Variants in TECTB observed in about 807,000 individuals in gnomAD.
TECTB encodes the protein tectorin beta, also known as beta-tectorin.
In TECTB, 45 loss-of-function variants were observed where a neutral mutation model predicts 43.3. That is an observed-to-expected ratio of 1.04 (90% CI 0.82 to 1.33). The LOEUF is 1.33. Ranked by LOEUF, TECTB falls within the 40% of genes most tolerant of loss-of-function variation. The pLI is 0.00. For synonymous variants in TECTB, 169 were observed against 156.7 expected (o/e 1.08, Z -0.59); for missense variants, 399 against 404.7 (o/e 0.99, Z 0.12).
chr10:112,292,757 T>C (rs1171382543), intron 5 of TECTB, among the ~76,000 whole-genome samples: 1 of 152,146 alleles, frequency 6.6e-6, no homozygotes, highest in African/African-American at 2.4e-5. Context: ...CCCAGTCTTC[T>C]TGATCAGCCC....
chr10:112,297,375 G>T (rs546200723), intron 7 of TECTB, among the ~76,000 whole-genome samples: 1 of 152,042 alleles, frequency 6.6e-6, no homozygotes, highest in Admixed American at 6.5e-5. Flanking sequence ...CCTTTGAGAC[G>T]TTGGAATATC....
At chr10:112,300,254 GAAAGAAAGAAAGAAAGAAAGAAAGA>G (rs1343879085) in intron 9 of TECTB, among the ~76,000 whole-genome samples, 12,136 of 47,122 alleles carry the variant, frequency 0.26, 854 homozygotes, top group Admixed American at 0.3. Context: ...AAGAAAGAAA[GAAAGAAAGAAAGAAAGAAAGAAAGA>G]AAAGAAAGAA....
In TECTB at chr10:112,303,647, C is replaced by G; in HGVS notation, c.*335C>G. 1 of 299,010 alleles carries G rather than the reference C, an allele frequency of 3.3e-6. No homozygotes were observed. The highest frequency in any genetic ancestry group is 6.3e-6 in the Non-Finnish European group (1 of 157,886). The allele number at this position is 299,010 out of a possible 1,614,324, so 18.5% of individuals were successfully genotyped here. A position where few individuals can be genotyped will look rare whatever the true frequency, so the allele number is the denominator to read the frequency against. On this transcript the variant is annotated 3_prime_UTR_variant, in exon 11 of 11. Coordinates refer to ENST00000646139, the MANE Select transcript of TECTB (RefSeq NM_058222.3). ...AAAGGTTAGCAGACCCAACCAAGTA[C>G]TGCTGAGCATTTTGAAGAGAATGTA...
Position 112,294,114 on chromosome 10 carries a change from G to A in TECTB, c.671+53G>A, listed in dbSNP as rs879076445. 3.4e-5 allele frequency: 52 copies of A among 1,544,936 alleles called. No homozygotes were observed. The South Asian group carries it at 5.4e-4, about 16-fold the overall frequency. On this transcript the variant is annotated intron_variant, in intron 7 of 10. Transcript: ENST00000646139. The stretch of plus-strand genomic sequence containing the variant: ...GAACAGTGGAACCAGGCATTTATCG[G>A]GCTACTTTGCTCTGGCTTGGGAAAG...
At chr10:112,293,512 A>G (rs1377284763) in intron 5 of TECTB, among the ~76,000 whole-genome samples, 3 of 152,200 alleles carry the variant, frequency 2.0e-5, no homozygotes, top group Non-Finnish European at 2.9e-5. Context: ...CACTATAATG[A>G]GCAAATCTAG....
intron 5 of TECTB, among the ~76,000 whole-genome samples, chr10:112,286,794 T>C (rs1247239096): frequency 1.3e-5 from 2 of 152,098 alleles, no homozygotes; most frequent in Non-Finnish European, 2.9e-5. Context: ...TGGTGGCACA[T>C]GCCTGTAGTC....
intron 8 of TECTB, among the ~76,000 whole-genome samples, chr10:112,299,098 T>C (rs992401282): frequency 2.0e-5 from 3 of 152,196 alleles, no homozygotes; most frequent in African/African-American, 4.8e-5. Context: ...ATCAATGCCA[T>C]ATTTTTAAAA....
chr10:112,285,501 T>G (rs1404337258), intron 3 of TECTB, among the ~76,000 whole-genome samples: 1 of 152,208 alleles, frequency 6.6e-6, no homozygotes, highest in Non-Finnish European at 1.5e-5. Context: ...CAAGACATCA[T>G]GTCTTTGAGT....
chr10:112,291,717 C>T (rs1373813666), intron 5 of TECTB, among the ~76,000 whole-genome samples: 1 of 152,198 alleles, frequency 6.6e-6, no homozygotes, highest in Non-Finnish European at 1.5e-5. Context: ...AGGTTATGTC[C>T]ATTTTGCATA....
In TECTB at chr10:112,286,200, G is replaced by T. The variant is rs1444785142; in HGVS notation, c.397G>T (p.Ala133Ser). Residue 133 changes from alanine to serine, a missense_variant, in exon 4 of 11, where the codon GCC becomes TCC. By Grantham distance (99) the Ala-to-Ser change is moderately conservative. Coordinates refer to ENST00000646139, the MANE Select transcript of TECTB (RefSeq NM_058222.3). ...YHSTYLVNQA[A>S]FDQRVATVHV... The stretch of plus-strand genomic sequence containing the variant: ...CTCCACCTACTTGGTGAACCAGGCT[G>T]CCTTTGACCAGAGGTAAGTTGCTGT... 6.2e-7 allele frequency: 1 copy of T among 1,614,172 alleles called. No individual in the cohort carries two copies. The highest frequency in any genetic ancestry group is 1.1e-5 in the South Asian group (1 of 91,082).
At chr10:112,297,409 T>C (rs937925842) in intron 7 of TECTB, among the ~76,000 whole-genome samples, 1 of 151,446 alleles carries the variant, frequency 6.6e-6, no homozygotes, top group Non-Finnish European at 1.5e-5. Flanking sequence ...ATTCTCATTA[T>C]AGAGAATTTG....
chr10:112,299,681 G>C, intron 9 of TECTB, 117 bp downstream of exon 9: 1 of 1,117,932 alleles, frequency 8.9e-7, no homozygotes, highest in South Asian at 1.4e-5. Context: ...GTGCCTGTGG[G>C]CACAACCTTC....
chr10:112,286,222 C>A lies in TECTB; in HGVS notation c.410+9C>A. ...GCTGCCTTTGACCAGAGGTAAGTTG[C>A]TGTGCGGCATGGAGGGCTGGCTGCC... On this transcript the variant is annotated intron_variant, in intron 4 of 10. Transcript: ENST00000646139. 2 of 1,614,148 alleles carry A rather than the reference C, an allele frequency of 1.2e-6. No individual in the cohort carries two copies. The highest frequency in any genetic ancestry group is 1.7e-6 in the Non-Finnish European group (2 of 1,179,992).
chr10:112,283,606 T>C, intron 1 of TECTB, 42 bp from the exon 2 acceptor site: 1 of 803,760 alleles, frequency 1.2e-6, no homozygotes, highest in Non-Finnish European at 2.0e-6. Flanking sequence ...GCGGCTTTGT[T>C]CTTCCCTTGA....
intron 8 of TECTB, 35 bp from the exon 9 acceptor site, chr10:112,299,457 C>T: frequency 6.2e-7 from 1 of 1,610,992 alleles, no homozygotes; most frequent in Non-Finnish European, 8.5e-7. Context: ...CCCACCTTCC[C>T]CGCTTCTCTC....
intron 5 of TECTB, among the ~76,000 whole-genome samples, chr10:112,291,656 T>A (rs770230660): frequency 5.9e-5 from 9 of 152,254 alleles, no homozygotes; most frequent in Admixed American, 3.9e-4. Flanking sequence ...ACTCAATCTT[T>A]CAAACAGTAA....
intron 5 of TECTB, 72 bp downstream of exon 5, chr10:112,286,463 G>T: frequency 6.7e-7 from 1 of 1,488,538 alleles, no homozygotes; most frequent in Non-Finnish European, 9.2e-7. Context: ...ATGCTTCCTC[G>T]GGATTCAGTC....
intron 9 of TECTB, among the ~76,000 whole-genome samples, chr10:112,301,196 G>T (rs553514412): frequency 6.6e-6 from 1 of 152,320 alleles, no homozygotes; most frequent in South Asian, 2.1e-4. Flanking sequence ...GCCAAGGCGG[G>T]CAGATCACCT....
rs1361291056 is a variant in TECTB at position 112,300,279 on chromosome 10, A to AAAGAAAAGAAAGAAAGAAAGAAAG, written c.907+717_907+718insGAAAAGAAAGAAAGAAAGAAAGAA. 3.3e-3 allele frequency among the ~76,000 whole-genome samples: 161 copies of AAAGAAAAGAAAGAAAGAAAGAAAG among 48,212 alleles called. 2 individuals are homozygous for AAAGAAAAGAAAGAAAGAAAGAAAG. The highest frequency in any genetic ancestry group is 4.6e-3 in the African/African-American group (51 of 11,180). The allele number at this position is 48,212 out of a possible 152,430, so 31.6% of individuals were successfully genotyped here. ...GAAAGAAAGAAAGAAAGAAAGAAAG[A>AAAGAAAAGAAAGAAAGAAAGAAAG]AAAGAAAGAAAGAAAGAAAGAAAGA... On this transcript the variant is annotated intron_variant, in intron 9 of 10. Transcript: ENST00000646139.
Sources: allele counts gnomAD v4.1 joint callset (sites outside exome capture counted in the v4.1 genomes callset), GRCh38; gene constraint gnomAD v4.1.1; transcripts MANE v1.5; gene names NCBI Gene and HGNC (gene_info 2026-07-23, HGNC 2026-07-21).